The following GRM4 variants were observed in gnomAD, a reference collection of about 807,000 sequenced individuals.
GRM4 encodes metabotropic glutamate receptor 4.
In GRM4, 28 loss-of-function variants were observed where a neutral mutation model predicts 81.7. That is an observed-to-expected ratio of 0.34 (90% CI 0.25 to 0.47). GRM4 has a LOEUF of 0.47. Among genes scored for constraint, GRM4 ranks in the 20% least tolerant of loss-of-function variants. GRM4 has a pLI of 1.00. For missense variants in GRM4, 948 were observed against 1,290.0 expected, an observed-to-expected ratio of 0.73 and a Z score of 4.06; for synonymous variants, 488 against 528.8, an observed-to-expected ratio of 0.92 and a Z score of 1.06.
At chr6:34,120,303 C>A (rs377379686) in intron 2 of GRM4, among the ~76,000 whole-genome samples, 1 of 152,144 alleles carries the variant, frequency 6.6e-6, no homozygotes, top group East Asian at 1.9e-4. Context: ...GGCTCCCTGG[C>A]CCAGGGCTGG....
chr6:34,122,758 G>GTCTGTCTGTCTC (rs1382899181), intron 2 of GRM4, among the ~76,000 whole-genome samples: 23 of 151,616 alleles, frequency 1.5e-4, no homozygotes, highest in African/African-American at 5.1e-4. Context: ...CTGTCTGTCT[G>GTCTGTCTGTCTC]TCTCTGGGCC....
chr6:34,021,328 TAAC>T lies in GRM4; in HGVS notation c.*1490_*1492del, dbSNP rs1763865288. On this transcript the variant is annotated 3_prime_UTR_variant, in exon 11 of 11. Transcript: ENST00000538487. This position sits in a 1 kb window ranked among gnomAD's most constrained non-coding sequence, Gnocchi z 5.3. ...GCACTTGTGGGCCCACGTGGACACATAACAACACACTGATCTCCAGGACAGACA... is the reference window on the plus strand; with the variant it reads ...GCACTTGTGGGCCCACGTGGACACATAACACACTGATCTCCAGGACAGACA... 1 of 152,178 alleles carries T rather than the reference TAAC, an allele frequency of 6.6e-6. No individual in the cohort carries two copies. The highest frequency in any genetic ancestry group is 2.1e-4 in the South Asian group (1 of 4,802). The allele number at this position is 152,178 out of a possible 1,614,324, so 9.4% of individuals were successfully genotyped here. A position where few individuals can be genotyped will look rare whatever the true frequency, so the allele number is the denominator to read the frequency against.
intron 2 of GRM4, among the ~76,000 whole-genome samples, chr6:34,117,214 G>T (rs1438742796): frequency 6.6e-6 from 1 of 152,228 alleles, no homozygotes; most frequent in Non-Finnish European, 1.5e-5. Context: ...TTCGGGGCAG[G>T]TGGACCATCA....
At position 34,133,723 on chromosome 6, in the gene GRM4, T is replaced by A. The variant is rs1231628376; in HGVS notation, c.-227A>T. On this transcript the variant is annotated 5_prime_UTR_variant, in exon 2 of 11. Coordinates refer to ENST00000538487, the MANE Select transcript of GRM4 (RefSeq NM_000841.4). The surrounding 1 kb of genome is among the most constrained non-coding windows in gnomAD (Gnocchi z 6.5). ...CACAGACAGCAGGCAGTGGCCGGGG[T>A]TGCAGGAAGGCTCTGATCCTTGTCC... 1 of 1,298,806 alleles carries A rather than the reference T, an allele frequency of 7.7e-7. No homozygotes were observed. Among genetic ancestry groups the A allele is most frequent in the Non-Finnish European group, 9.7e-7 (1 of 1,028,494 alleles). 80.5% of individuals were successfully genotyped at this position (1,298,806 alleles called of 1,614,324 possible).
Position 34,152,162 on chromosome 6 carries a change from G to A in GRM4, c.312+2917C>T, listed in dbSNP as rs1045743472. On this transcript the variant is annotated intron_variant, in intron 1 of 8. Coordinates refer to the GRM4 transcript ENST00000374177. The surrounding 1 kb of genome is among the most constrained non-coding windows in gnomAD (Gnocchi z 4.1). The stretch of plus-strand genomic sequence containing the variant: ...ACACTCTAGCCTTGGTTCTACTTAG[G>A]AAACTCCATGGACAATGTTTGCTCC... Among the ~76,000 whole-genome samples the A allele has an allele frequency of 6.6e-6, 1 of 152,052 alleles. No homozygotes were observed. The highest frequency in any genetic ancestry group is 2.4e-5 in the African/African-American group (1 of 41,404).
Position 34,036,655 on chromosome 6 carries a change from C to A in GRM4, c.1507-52G>T, listed in dbSNP as rs1323785894. ...GCCTCAGAACATGCCACCCGGTGCC[C>A]CGGACCATCCTACTGGGTGGTGGCA... On this transcript the variant is annotated intron_variant, in intron 8 of 10. Transcript: ENST00000538487. The surrounding 1 kb of genome is among the most constrained non-coding windows in gnomAD (Gnocchi z 9.0). 2 of 1,016,026 alleles carry A rather than the reference C, an allele frequency of 2.0e-6. No individual in the cohort carries two copies. The highest frequency in any genetic ancestry group is 1.5e-5 in the South Asian group (1 of 66,322). 62.9% of individuals were successfully genotyped at this position (1,016,026 alleles called of 1,614,324 possible).
intron 2 of GRM4, among the ~76,000 whole-genome samples, chr6:34,125,770 G>A (rs1246174429): frequency 6.6e-6 from 1 of 152,212 alleles, no homozygotes; most frequent in Non-Finnish European, 1.5e-5. Context: ...CTCTGGTCTG[G>A]AGGTTCCCCT....
chr6:34,155,170 G>A (rs760369478), exon 1 of GRM4: 4 of 1,535,118 alleles, frequency 2.6e-6, no homozygotes, highest in African/African-American at 1.4e-5. Flanking sequence ...GGATTCGTGC[G>A]CGGCCAGGCT....
intron 1 of GRM4, among the ~76,000 whole-genome samples, chr6:34,141,905 G>A (rs1235679967): frequency 6.6e-6 from 1 of 152,186 alleles, no homozygotes; most frequent in Non-Finnish European, 1.5e-5. Flanking sequence ...CATCTGGGAG[G>A]CAGCAGGGAG....
At chr6:34,050,201 G>C (rs1477554671) in intron 6 of GRM4, among the ~76,000 whole-genome samples, 1 of 152,166 alleles carries the variant, frequency 6.6e-6, no homozygotes, top group Non-Finnish European at 1.5e-5. Context: ...TGAGCGCTGT[G>C]CCTGGTGTGC....
Position 34,053,781 on chromosome 6 carries a change from G to T in GRM4, c.1168+2763C>A, listed in dbSNP as rs113022533. On this transcript the variant is annotated intron_variant, in intron 6 of 10. Coordinates refer to ENST00000538487, the MANE Select transcript of GRM4 (RefSeq NM_000841.4). ...GTGCAAATTAAACCGGAATGTCTAG[G>T]GTAACCGTATTTTTAAAAGATCCCC... Among the ~76,000 whole-genome samples, 382 of 152,306 alleles carry T rather than the reference G, an allele frequency of 2.5e-3. 2 individuals are homozygous for T. Among genetic ancestry groups the T allele is most frequent in the Middle Eastern group, 0.01 (3 of 294 alleles).
upstream of GRM4, among the ~76,000 whole-genome samples, chr6:34,149,389 G>A (rs1771002447): frequency 6.6e-6 from 1 of 152,198 alleles, no homozygotes; most frequent in African/African-American, 2.4e-5. Flanking sequence ...TGATGGGGGA[G>A]TCTGTTTAAA....
rs1475175996 is a variant in GRM4 at position 34,047,519 on chromosome 6, C to T, written c.1169-6771G>A. ...AGGATCTCCCTGGCCCAGAGTCACACGCTTGCTTTTCAGCCCTATACCGCA... is the reference window on the plus strand; with the variant it reads ...AGGATCTCCCTGGCCCAGAGTCACATGCTTGCTTTTCAGCCCTATACCGCA... On this transcript the variant is annotated intron_variant, in intron 6 of 10. Transcript: ENST00000538487. The surrounding 1 kb of genome is among the most constrained non-coding windows in gnomAD (Gnocchi z 4.5). 6.6e-6 allele frequency among the ~76,000 whole-genome samples: 1 copy of T among 152,168 alleles called. No homozygotes were observed. The highest frequency in any genetic ancestry group is 1.5e-5 in the Non-Finnish European group (1 of 68,026).
intron 2 of GRM4, among the ~76,000 whole-genome samples, chr6:34,101,811 G>C (rs1364483131): frequency 1.3e-5 from 2 of 152,266 alleles, no homozygotes; most frequent in African/African-American, 2.4e-5. Flanking sequence ...TCCCAGACGA[G>C]ATGAAATTGA....
At chr6:34,072,105 C>T (rs1766927245) in intron 3 of GRM4, among the ~76,000 whole-genome samples, 1 of 1,978 alleles carries the variant, frequency 5.1e-4, no homozygotes, top group South Asian at 0.011. Context: ...CACCACCCAC[C>T]ACAGATACAC....
rs1176412175 is a variant in GRM4 at position 34,080,167 on chromosome 6, C to A, written c.736+11716G>T. ...GGGGCCCTCTTCCCACAGATCTCCA[C>A]CTGGCTAATGCCCTCGCTGCAGCTG... is the stretch of plus-strand genomic sequence containing the variant. On this transcript the variant is annotated intron_variant, in intron 3 of 10. Coordinates refer to ENST00000538487, the MANE Select transcript of GRM4 (RefSeq NM_000841.4). The surrounding 1 kb of genome is among the most constrained non-coding windows in gnomAD (Gnocchi z 5.4). Among the ~76,000 whole-genome samples, 1 of 152,226 alleles carries A rather than the reference C, an allele frequency of 6.6e-6. No individual in the cohort carries two copies. Among genetic ancestry groups the A allele is most frequent in the Non-Finnish European group, 1.5e-5 (1 of 68,038 alleles).
chr6:34,022,508 G>T lies in GRM4; in HGVS notation c.*313C>A. The T allele has an allele frequency of 2.3e-6, 1 of 429,390 alleles. No individual in the cohort carries two copies. Among genetic ancestry groups the T allele is most frequent in the Non-Finnish European group, 4.2e-6 (1 of 235,618 alleles). 26.6% of individuals were successfully genotyped at this position (429,390 alleles called of 1,614,324 possible). A position where few individuals can be genotyped will look rare whatever the true frequency, so the allele number is the denominator to read the frequency against. On this transcript the variant is annotated 3_prime_UTR_variant, in exon 11 of 11. Transcript: ENST00000538487. The surrounding 1 kb of genome is among the most constrained non-coding windows in gnomAD (Gnocchi z 5.6). ...GCCAACAGCACAGACAGAGACGAAG[G>T]GAGGGAGAGATCTAGCACTGGGGCC...
At position 34,042,090 on chromosome 6, in the gene GRM4, C is replaced by A. The variant is rs1326907494; in HGVS notation, c.1169-1342G>T. The stretch of plus-strand genomic sequence containing the variant: ...AACACGCTGAAACCCCATCTCTACT[C>A]AAAATACCAAAATTAGCTGGGAACA... On this transcript the variant is annotated intron_variant, in intron 6 of 10. Transcript: ENST00000538487. The surrounding 1 kb of genome is among the most constrained non-coding windows in gnomAD (Gnocchi z 4.2). Among the ~76,000 whole-genome samples, 1 of 152,106 alleles carries A rather than the reference C, an allele frequency of 6.6e-6. No individual in the cohort carries two copies. The highest frequency in any genetic ancestry group is 1.5e-5 in the Non-Finnish European group (1 of 68,020).
intron 2 of GRM4, among the ~76,000 whole-genome samples, chr6:34,107,723 C>G (rs1335969846): frequency 6.6e-6 from 1 of 152,148 alleles, no homozygotes; most frequent in Non-Finnish European, 1.5e-5. Flanking sequence ...ACTAAAAGGC[C>G]AAAACAGAGG....
Sources: gnomAD v4.1 joint callset for allele counts (sites outside exome capture counted in the v4.1 genomes callset) on GRCh38, gnomAD v4.1.1 for gene constraint, Gnocchi (gnomAD v3.1) non-coding constraint, MANE v1.5 for transcripts, NCBI Gene and HGNC (gene_info 2026-07-23, HGNC 2026-07-21) for gene names.